The following TSPAN18 variants were observed in gnomAD, a reference collection of about 807,000 sequenced individuals.
The protein encoded by TSPAN18 is tetraspanin-18.
TSPAN18 carries 14 observed loss-of-function variants against 27.3 expected under a neutral mutation model. The ratio of observed to expected loss-of-function variants is 0.51; its 90% CI spans 0.34 to 0.80. The LOEUF (loss-of-function observed/expected upper bound fraction) is 0.80. Among genes scored for constraint, TSPAN18 ranks in the 30% least tolerant of loss-of-function variants. The probability of loss-of-function intolerance (pLI) is 0.01; values close to 1 mark genes in which losing one functional copy is unlikely to be tolerated. For synonymous variants in TSPAN18, 143 were observed against 136.5 expected (o/e 1.05, Z -0.33); for missense variants, 268 against 323.9 (o/e 0.83, Z 1.32).
intron 2 of TSPAN18, among the ~76,000 whole-genome samples, chr11:44,836,794 C>T (rs1201725514): frequency 6.6e-6 from 1 of 152,200 alleles, no homozygotes; most frequent in African/African-American, 2.4e-5. Flanking sequence ...AGGCTAAATC[C>T]ACTCTGCTTG....
At chr11:44,879,603 C>T (rs1318182239) in intron 3 of TSPAN18, among the ~76,000 whole-genome samples, 1 of 152,216 alleles carries the variant, frequency 6.6e-6, no homozygotes, top group East Asian at 1.9e-4. Flanking sequence ...CGGGAATGTG[C>T]TTGCCATGGT....
At chr11:44,768,368 T>C (rs914990413) in intron 2 of TSPAN18, among the ~76,000 whole-genome samples, 2 of 152,222 alleles carry the variant, frequency 1.3e-5, no homozygotes, top group African/African-American at 4.8e-5. Flanking sequence ...TTAATAGAAA[T>C]GGTTTTATGT....
At chr11:44,911,853 A>G (rs1016199567) in intron 5 of TSPAN18, among the ~76,000 whole-genome samples, 4 of 151,812 alleles carry the variant, frequency 2.6e-5, no homozygotes, top group Non-Finnish European at 5.9e-5. Context: ...TGTGTCCACG[A>G]TCCTCCCGAG....
At chr11:44,750,877 C>T (rs1372719765) in intron 1 of TSPAN18, among the ~76,000 whole-genome samples, 1 of 152,240 alleles carries the variant, frequency 6.6e-6, no homozygotes, top group Non-Finnish European at 1.5e-5. Flanking sequence ...CAAGGTCACA[C>T]AGTGACTTAC....
At chr11:44,755,333 A>G (rs1855306500) in intron 1 of TSPAN18, among the ~76,000 whole-genome samples, 1 of 152,106 alleles carries the variant, frequency 6.6e-6, no homozygotes, top group Non-Finnish European at 1.5e-5. Context: ...GTTTCACTTC[A>G]GCCCCACTGA....
chr11:44,743,519 T>C (rs912511047), intron 1 of TSPAN18, among the ~76,000 whole-genome samples: 9 of 152,158 alleles, frequency 5.9e-5, no homozygotes, highest in Admixed American at 2.6e-4. Flanking sequence ...AGGCAAGTGA[T>C]TGGGGAGAAG....
intron 2 of TSPAN18, among the ~76,000 whole-genome samples, chr11:44,819,469 G>C (rs1302666476): frequency 6.6e-6 from 1 of 152,162 alleles, no homozygotes; most frequent in Non-Finnish European, 1.5e-5. Flanking sequence ...CTTTAAAACT[G>C]CTAATTGTCA....
chr11:44,881,376 C>T (rs994111495), intron 3 of TSPAN18, among the ~76,000 whole-genome samples: 20 of 152,182 alleles, frequency 1.3e-4, no homozygotes, highest in African/African-American at 4.3e-4. Flanking sequence ...AACACCAGTT[C>T]CCTCCAGGAG....
intron 2 of TSPAN18, among the ~76,000 whole-genome samples, chr11:44,825,469 C>T (rs1327800333): frequency 1.3e-5 from 2 of 152,192 alleles, no homozygotes; most frequent in African/African-American, 4.8e-5. Context: ...CTCCCTGGGT[C>T]CTGCCACCTT....
chr11:44,867,931 G>T (rs1164969454), intron 3 of TSPAN18, among the ~76,000 whole-genome samples: 2 of 152,204 alleles, frequency 1.3e-5, no homozygotes, highest in Non-Finnish European at 2.9e-5. Context: ...GAGCACTGGG[G>T]AGCCATAAAA....
chr11:44,804,771 A>G (rs1007320528), intron 2 of TSPAN18, among the ~76,000 whole-genome samples: 3 of 151,518 alleles, frequency 2.0e-5, no homozygotes, highest in Non-Finnish European at 4.4e-5. Flanking sequence ...CCAGCCTAAA[A>G]CAACAACTGG....
At chr11:44,792,184 A>G in intron 2 of TSPAN18, among the ~76,000 whole-genome samples, 1 of 152,230 alleles carries the variant, frequency 6.6e-6, no homozygotes, top group South Asian at 2.1e-4. Context: ...ATATATCTAC[A>G]TAATAGTCCT....
At chr11:44,802,842 C>T (rs1027129951) in intron 2 of TSPAN18, among the ~76,000 whole-genome samples, 1 of 152,208 alleles carries the variant, frequency 6.6e-6, no homozygotes, top group Non-Finnish European at 1.5e-5. Flanking sequence ...GGGGTCTGCT[C>T]AGACCCATTC....
At chr11:44,884,076 C>A (rs564847471) in intron 3 of TSPAN18, among the ~76,000 whole-genome samples, 6 of 152,292 alleles carry the variant, frequency 3.9e-5, no homozygotes, top group Non-Finnish European at 8.8e-5. Flanking sequence ...TCATCTGTGC[C>A]AGGGGCCCAG....
intron 3 of TSPAN18, among the ~76,000 whole-genome samples, chr11:44,865,787 G>C (rs1858019952): frequency 6.6e-6 from 1 of 152,198 alleles, no homozygotes; most frequent in Admixed American, 6.5e-5. Context: ...TCCTGAGGCT[G>C]GTGCCAAGGG....
chr11:44,908,814 A>AAGGAAGGAAGGAAG (rs1554938130), intron 4 of TSPAN18, among the ~76,000 whole-genome samples: 7 of 114,782 alleles, frequency 6.1e-5, no homozygotes, highest in Non-Finnish European at 7.3e-5. Context: ...AAAGAAAGAA[A>AAGGAAGGAAGGAAG]GAAAGAAAGA....
intron 2 of TSPAN18, among the ~76,000 whole-genome samples, chr11:44,779,531 T>G (rs1392293635): frequency 6.6e-6 from 1 of 152,112 alleles, no homozygotes; most frequent in Non-Finnish European, 1.5e-5. Flanking sequence ...AATTCATCAA[T>G]CTCATGGAGA....
At chr11:44,925,532 C>A (rs1860320057) in intron 8 of TSPAN18, among the ~76,000 whole-genome samples, 1 of 152,190 alleles carries the variant, frequency 6.6e-6, no homozygotes, top group Non-Finnish European at 1.5e-5. Flanking sequence ...TGTCCACCTG[C>A]CTGGGTGCAG....
Position 44,867,467 on chromosome 11 carries a change from C to T in TSPAN18, c.-11+6998C>T, listed in dbSNP as rs148694263. 4.2e-3 allele frequency among the ~76,000 whole-genome samples: 553 copies of T among 132,378 alleles called. 6 individuals are homozygous for T. The highest frequency in any genetic ancestry group is 0.015 in the African/African-American group (517 of 34,396). The allele number at this position is 132,378 out of a possible 152,430, so 86.8% of individuals were successfully genotyped here. A position where few individuals can be genotyped will look rare whatever the true frequency, so the allele number is the denominator to read the frequency against. On this transcript the variant is annotated intron_variant, in intron 3 of 9. Coordinates refer to ENST00000520358, the MANE Select transcript of TSPAN18 (RefSeq NM_130783.5). ...AGGCTGGAGTGGAGTGGCCCGATCTCGGCTCACTGCAACCTCCACCTCCCC... is the reference window on the plus strand; with the variant it reads ...AGGCTGGAGTGGAGTGGCCCGATCTTGGCTCACTGCAACCTCCACCTCCCC...
Sources: allele counts gnomAD v4.1 joint callset (sites outside exome capture counted in the v4.1 genomes callset), GRCh38; gene constraint gnomAD v4.1.1; transcripts MANE v1.5; gene names NCBI Gene and HGNC (gene_info 2026-07-23, HGNC 2026-07-21).